Variants in TNFRSF10B observed in about 807,000 individuals in gnomAD.
TNFRSF10B encodes the protein TNF receptor superfamily member 10b, also known as tumor necrosis factor receptor superfamily member 10B.
TNFRSF10B carries 35 observed loss-of-function variants against 41.4 expected under a neutral mutation model. That is an observed-to-expected ratio of 0.85 (90% CI 0.65 to 1.12). The LOEUF (loss-of-function observed/expected upper bound fraction) is 1.12. Among genes scored for constraint, TNFRSF10B ranks in the 50% most tolerant of loss-of-function variants. TNFRSF10B has a pLI of 0.00. For synonymous variants in TNFRSF10B, 230 were observed against 215.5 expected (o/e 1.07, Z -0.59); for missense variants, 584 against 552.7 (o/e 1.06, Z -0.57).
intron 1 of TNFRSF10B, among the ~76,000 whole-genome samples, chr8:23,061,712 A>G (rs1462459851): frequency 6.6e-6 from 1 of 152,120 alleles, no homozygotes; most frequent in Non-Finnish European, 1.5e-5. Flanking sequence ...GTTTTCTTCT[A>G]TTCTTAGTTT....
At chr8:23,030,734 G>T in intron 3 of TNFRSF10B, 25 bp downstream of exon 3, 2 of 1,573,588 alleles carry the variant, frequency 1.3e-6, no homozygotes, top group South Asian at 2.3e-5. Flanking sequence ...TCCACCTTTA[G>T]GCATGGGGTC....
intron 2 of TNFRSF10B, among the ~76,000 whole-genome samples, chr8:23,034,459 G>A (rs1183852743): frequency 1.3e-5 from 2 of 152,198 alleles, no homozygotes; most frequent in African/African-American, 4.8e-5. Context: ...GGGCATGGTG[G>A]CTCATGTCTG....
intron 1 of TNFRSF10B, chr8:23,068,424 A>C: frequency 2.3e-6 from 1 of 442,974 alleles, no homozygotes; most frequent in Non-Finnish European, 4.0e-6. Context: ...ACAGAAAGTA[A>C]GGAAAGAAAA....
intron 4 of TNFRSF10B, among the ~76,000 whole-genome samples, chr8:23,028,813 T>C (rs1255308032): frequency 2.0e-5 from 3 of 152,148 alleles, no homozygotes; most frequent in Admixed American, 1.3e-4. Context: ...GCCTCCCTGC[T>C]CTGGGGTCAG....
chr8:23,060,126 A>C (rs1812790287), intron 1 of TNFRSF10B, among the ~76,000 whole-genome samples: 1 of 152,020 alleles, frequency 6.6e-6, no homozygotes, highest in African/African-American at 2.4e-5. Context: ...TTTGATTCAC[A>C]AGAGTTACTG....
chr8:23,023,915 G>A (rs1811621927), intron 8 of TNFRSF10B, among the ~76,000 whole-genome samples: 1 of 152,154 alleles, frequency 6.6e-6, no homozygotes, highest in Non-Finnish European at 1.5e-5. Context: ...TCAGGGGCAG[G>A]CGGGGGCTAC....
chr8:23,027,482 C>T (rs887926485), intron 6 of TNFRSF10B, 194 bp from the exon 7 acceptor site: 45 of 805,340 alleles, frequency 5.6e-5, no homozygotes, highest in Non-Finnish European at 8.2e-5. Flanking sequence ...CAGGCAGACA[C>T]CCCATCCCTA....
At chr8:23,057,856 T>C (rs1328134252) in intron 1 of TNFRSF10B, among the ~76,000 whole-genome samples, 3 of 152,230 alleles carry the variant, frequency 2.0e-5, no homozygotes, top group East Asian at 1.9e-4. Context: ...CCTCATATGA[T>C]ATTAAGATAG....
At position 23,040,426 on chromosome 8, in the gene TNFRSF10B, AAT is replaced by A. The variant is rs1186144314; in HGVS notation, c.250+2710_250+2711del. Reference sequence around the variant, plus strand: ...ATATATACAAAATATATATTTATTAAATATATATATACAAAATATATATTTAT... The same window carrying A: ...ATATATACAAAATATATATTTATTAAATATATATACAAAATATATATTTAT... On this transcript the variant is annotated intron_variant, in intron 2 of 8. Transcript: ENST00000276431. Among the ~76,000 whole-genome samples the A allele has an allele frequency of 4.8e-4, 40 of 82,838 alleles. 1 individual carries two copies. Among genetic ancestry groups the A allele is most frequent in the Non-Finnish European group, 7.3e-4 (25 of 34,460 alleles). 54.3% of individuals were successfully genotyped at this position (82,838 alleles called of 152,430 possible). A position where few individuals can be genotyped will look rare whatever the true frequency, so the allele number is the denominator to read the frequency against.
rs544709533 is a variant in TNFRSF10B, at chr8:23,035,251, C to T, written c.251-4379G>A. ...GCACCTCCTGGGTTCAAGCGATTCT[C>T]ATGCCTCAGCCTCCCAAGTAGCTGG... is the stretch of plus-strand genomic sequence containing the variant. On this transcript the variant is annotated intron_variant, in intron 2 of 8. Transcript: ENST00000276431. Among the ~76,000 whole-genome samples the T allele has an allele frequency of 2.0e-5, 3 of 152,230 alleles. No individual in the cohort carries two copies. The South Asian group carries it at 6.2e-4, about 32-fold the overall frequency.
chr8:23,053,244 C>T (rs1040960789), intron 1 of TNFRSF10B, among the ~76,000 whole-genome samples: 5 of 152,114 alleles, frequency 3.3e-5, no homozygotes, highest in East Asian at 1.9e-4. Context: ...CTGTCTAGGT[C>T]GTAGGCTCCA....
At chr8:23,036,450 G>A (rs1210337507) in intron 2 of TNFRSF10B, among the ~76,000 whole-genome samples, 1 of 152,180 alleles carries the variant, frequency 6.6e-6, no homozygotes, top group African/African-American at 2.4e-5. Flanking sequence ...CCAGAAGAAG[G>A]TTTACAGATG....
intron 2 of TNFRSF10B, among the ~76,000 whole-genome samples, chr8:23,038,761 T>C (rs1812092715): frequency 6.6e-6 from 1 of 152,108 alleles, no homozygotes; most frequent in African/African-American, 2.4e-5. Context: ...AGATCAAGTA[T>C]GGTTTAAAAG....
intron 1 of TNFRSF10B, among the ~76,000 whole-genome samples, chr8:23,057,321 A>G (rs1020684786): frequency 4.6e-5 from 7 of 151,442 alleles, no homozygotes; most frequent in African/African-American, 1.7e-4. Context: ...CTGGGATTAC[A>G]GGCGTGAGCC....
chr8:23,023,448 C>T (rs1299717791), intron 8 of TNFRSF10B, among the ~76,000 whole-genome samples: 1 of 152,072 alleles, frequency 6.6e-6, no homozygotes, highest in African/African-American at 2.4e-5. Flanking sequence ...CCCAGCTCGG[C>T]CTCACTTCCT....
intron 2 of TNFRSF10B, among the ~76,000 whole-genome samples, chr8:23,036,944 T>C (rs1812047342): frequency 6.6e-6 from 1 of 152,172 alleles, no homozygotes; most frequent in Admixed American, 6.5e-5. Flanking sequence ...TATATACTGA[T>C]TCATGAGCTG....
Position 23,028,312 on chromosome 8 carries a change from G to C in TNFRSF10B, c.748+19C>G, listed in dbSNP as rs201153109. 6.2e-7 allele frequency: 1 copy of C among 1,613,634 alleles called. No individual in the cohort carries two copies. Among genetic ancestry groups the C allele is most frequent in the Non-Finnish European group, 8.5e-7 (1 of 1,179,904 alleles). ...AGGGCAGAGAGTGCCCTGTGCCCCC[G>C]CCCTCAGCCAGCACCTACCTGAGCA... On this transcript the variant is annotated intron_variant, in intron 5 of 8. Coordinates refer to ENST00000276431, the MANE Select transcript of TNFRSF10B (RefSeq NM_003842.5).
At position 23,022,550 on chromosome 8, in the gene TNFRSF10B, G is replaced by A; in HGVS notation, c.*121C>T. 1 of 1,070,456 alleles carries A rather than the reference G, an allele frequency of 9.3e-7. No individual in the cohort carries two copies. The highest frequency in any genetic ancestry group is 1.4e-6 in the Non-Finnish European group (1 of 712,254). 66.3% of individuals were successfully genotyped at this position (1,070,456 alleles called of 1,614,324 possible). On this transcript the variant is annotated 3_prime_UTR_variant, in exon 9 of 9. Coordinates refer to ENST00000276431, the MANE Select transcript of TNFRSF10B (RefSeq NM_003842.5). The stretch of plus-strand genomic sequence containing the variant: ...CCACTGGGTGATGTTGGATGGGAGA[G>A]TTTCTTCCAGTACCGGTCATGTGAC...
intron 1 of TNFRSF10B, among the ~76,000 whole-genome samples, chr8:23,057,461 C>G (rs1210784692): frequency 2.3e-5 from 3 of 131,870 alleles, no homozygotes; most frequent in Non-Finnish European, 3.1e-5. Flanking sequence ...AGATTGGAGT[C>G]TCACTCTGTT....
Sources: allele counts gnomAD v4.1 joint callset (sites outside exome capture counted in the v4.1 genomes callset), GRCh38; gene constraint gnomAD v4.1.1; transcripts MANE v1.5; gene names NCBI Gene and HGNC (gene_info 2026-07-23, HGNC 2026-07-21).